ATRNL1: variants seen among roughly 807,000 people sequenced by gnomAD.
ATRNL1 encodes attractin like 1, also known as attractin-like protein 1.
In ATRNL1, 95 loss-of-function variants were observed where a neutral mutation model predicts 182.7. The ratio of observed to expected loss-of-function variants is 0.52; its 90% CI spans 0.44 to 0.62. The LOEUF (loss-of-function observed/expected upper bound fraction) is 0.62. Among genes scored for constraint, ATRNL1 ranks in the 20% least tolerant of loss-of-function variants. ATRNL1 has a pLI of 0.00. For synonymous variants in ATRNL1, 576 were observed against 568.3 expected, an observed-to-expected ratio of 1.01 and a Z score of -0.19; for missense variants, 1,471 against 1,679.5, an observed-to-expected ratio of 0.88 and a Z score of 2.17.
chr10:115,824,702 A>G (rs1016047845), intron 27 of ATRNL1, among the ~76,000 whole-genome samples: 8 of 152,344 alleles, frequency 5.3e-5, no homozygotes, highest in African/African-American at 1.7e-4. Context: ...AGAAATGCAA[A>G]TCAAAACCAC....
Position 115,462,148 on chromosome 10 carries a change from A to G in ATRNL1, c.3417+113A>G, listed in dbSNP as rs542555678. On this transcript the variant is annotated intron_variant, in intron 22 of 28. Coordinates refer to ENST00000355044, the MANE Select transcript of ATRNL1 (RefSeq NM_207303.4). The stretch of plus-strand genomic sequence containing the variant: ...TATCACATTGTAGGGCCTTTGTAGA[A>G]ACTACTAATCCTATTAATTTTTTCT... The G allele has an allele frequency of 1.2e-5, 7 of 600,126 alleles. No individual in the cohort carries two copies. The East Asian group carries it at 2.2e-4, about 19-fold the overall frequency. The allele number at this position is 600,126 out of a possible 1,614,324, so 37.2% of individuals were successfully genotyped here. A position where few individuals can be genotyped will look rare whatever the true frequency, so the allele number is the denominator to read the frequency against.
rs1436035994 is a variant in ATRNL1 at position 115,307,792 on chromosome 10, A to G, written c.2818+5749A>G. Among the ~76,000 whole-genome samples the G allele has an allele frequency of 2.6e-5, 4 of 152,272 alleles. No individual in the cohort carries two copies. The East Asian group carries it at 7.7e-4, about 29-fold the overall frequency. ...AAGTACAATAGGGACTAGGAGTAAA[A>G]TGACATTCTTGTTCAAAATACAAGT... On this transcript the variant is annotated intron_variant, in intron 17 of 28. Transcript: ENST00000355044.
At chr10:115,432,676 T>A (rs980156829) in intron 21 of ATRNL1, among the ~76,000 whole-genome samples, 7 of 152,062 alleles carry the variant, frequency 4.6e-5, no homozygotes, top group African/African-American at 1.7e-4. Flanking sequence ...ACCAAATATA[T>A]TATAAAGCAT....
chr10:115,660,631 A>G (rs1860621981), intron 26 of ATRNL1, among the ~76,000 whole-genome samples: 1 of 152,086 alleles, frequency 6.6e-6, no homozygotes, highest in African/African-American at 2.4e-5. Context: ...AAGGGCTCAG[A>G]GAAAGAAATG....
At chr10:115,135,005 T>C (rs1344511488) in intron 5 of ATRNL1, among the ~76,000 whole-genome samples, 1 of 152,016 alleles carries the variant, frequency 6.6e-6, no homozygotes, top group African/African-American at 2.4e-5. Context: ...CTAAAAACTC[T>C]CAATAAATTC....
chr10:115,436,467 T>G (rs573084619), intron 21 of ATRNL1, among the ~76,000 whole-genome samples: 2 of 152,266 alleles, frequency 1.3e-5, no homozygotes, highest in East Asian at 3.9e-4. Flanking sequence ...TATAACTGTG[T>G]TTTTTCTATG....
At chr10:115,261,419 G>C (rs1851387641) in intron 10 of ATRNL1, among the ~76,000 whole-genome samples, 1 of 152,090 alleles carries the variant, frequency 6.6e-6, no homozygotes, top group South Asian at 2.1e-4. Flanking sequence ...GAAATATGGA[G>C]GGAATCCTTA....
At chr10:115,330,525 T>A (rs541535962) in intron 18 of ATRNL1, among the ~76,000 whole-genome samples, 3 of 152,134 alleles carry the variant, frequency 2.0e-5, no homozygotes, top group Non-Finnish European at 2.9e-5. Flanking sequence ...TAGTCTTTAT[T>A]TCTAATTAAT....
intron 5 of ATRNL1, among the ~76,000 whole-genome samples, chr10:115,158,924 T>C (rs1470286523): frequency 6.6e-6 from 1 of 151,808 alleles, no homozygotes; most frequent in African/African-American, 2.4e-5. Flanking sequence ...CTAATACTTT[T>C]GTGACAAGTG....
At chr10:115,910,703 A>G (rs72832834) in intron 28 of ATRNL1, among the ~76,000 whole-genome samples, 24,093 of 152,230 alleles carry the variant, frequency 0.16, 2,130 homozygotes, top group Non-Finnish European at 0.2. Flanking sequence ...GCTGGTCACC[A>G]TAGAAATCAA....
intron 27 of ATRNL1, among the ~76,000 whole-genome samples, chr10:115,776,175 G>A (rs1030631364): frequency 1.3e-5 from 2 of 152,060 alleles, no homozygotes; most frequent in Admixed American, 1.3e-4. Flanking sequence ...GGAATAAGTG[G>A]TATATTATCT....
At chr10:115,095,801 G>A (rs1490825866) in intron 1 of ATRNL1, among the ~76,000 whole-genome samples, 3 of 152,142 alleles carry the variant, frequency 2.0e-5, no homozygotes, top group African/African-American at 7.2e-5. Flanking sequence ...GTAGTCAGCA[G>A]TGAAAAAGCC....
At chr10:115,122,755 T>G (rs1197290641) in intron 3 of ATRNL1, among the ~76,000 whole-genome samples, 2 of 152,128 alleles carry the variant, frequency 1.3e-5, no homozygotes, top group Non-Finnish European at 2.9e-5. Context: ...CTTAGGTACT[T>G]ATTCTATGAT....
intron 27 of ATRNL1, among the ~76,000 whole-genome samples, chr10:115,742,219 A>C (rs1204321083): frequency 1.3e-5 from 2 of 152,154 alleles, no homozygotes; most frequent in African/African-American, 2.4e-5. Context: ...AATTTAAGAA[A>C]TTGGCAGTTT....
At chr10:115,853,125 A>G (rs1415643041) in intron 28 of ATRNL1, among the ~76,000 whole-genome samples, 1 of 152,172 alleles carries the variant, frequency 6.6e-6, no homozygotes, top group Admixed American at 6.5e-5. Flanking sequence ...ACAGTTTAAT[A>G]CTACAAATTA....
chr10:115,544,651 C>A (rs1852544359), intron 25 of ATRNL1, among the ~76,000 whole-genome samples: 1 of 152,244 alleles, frequency 6.6e-6, no homozygotes, highest in African/African-American at 2.4e-5. Flanking sequence ...ACCCGAATAC[C>A]AGGCCCCACC....
intron 28 of ATRNL1, among the ~76,000 whole-genome samples, chr10:115,850,964 A>G (rs1555100330): frequency 5.3e-5 from 8 of 152,178 alleles, no homozygotes; most frequent in Admixed American, 1.3e-4. Context: ...TCTCTTGGCT[A>G]TTGGGCTATT....
intron 20 of ATRNL1, among the ~76,000 whole-genome samples, 155 bp downstream of exon 20, chr10:115,394,907 G>A (rs1264779170): frequency 1.3e-5 from 2 of 151,902 alleles, no homozygotes; most frequent in African/African-American, 4.8e-5. Flanking sequence ...ACATGTGCAG[G>A]TTTTTAACAT....
chr10:115,927,960 G>A (rs1953283734), intron 28 of ATRNL1, among the ~76,000 whole-genome samples: 1 of 152,004 alleles, frequency 6.6e-6, no homozygotes. Context: ...AATTTTTGTG[G>A]TGGTTTCCAA....
Sources: gnomAD v4.1 joint callset for allele counts (sites outside exome capture counted in the v4.1 genomes callset) on GRCh38, gnomAD v4.1.1 for gene constraint, MANE v1.5 for transcripts, NCBI Gene and HGNC (gene_info 2026-07-23, HGNC 2026-07-21) for gene names.